Variants in PLXDC2 observed in about 807,000 individuals in gnomAD.
PLXDC2 encodes plexin domain-containing protein 2.
In PLXDC2, 40 loss-of-function variants were observed where a neutral mutation model predicts 68.9. That is an observed-to-expected ratio of 0.58 (90% CI 0.45 to 0.76). PLXDC2 has a LOEUF of 0.76. PLXDC2 is among the 30% of genes least tolerant of loss of function. The pLI, the probability that PLXDC2 is intolerant of heterozygous loss-of-function variation, is 0.00. For synonymous variants in PLXDC2, 243 were observed against 234.2 expected (o/e 1.04, Z -0.34); for missense variants, 644 against 661.9 (o/e 0.97, Z 0.30).
At chr10:20,036,845 C>T (rs57866085) in intron 2 of PLXDC2, among the ~76,000 whole-genome samples, 3,095 of 152,246 alleles carry the variant, frequency 0.02, 78 homozygotes, top group African/African-American at 0.061. Context: ...TTGTGAATTT[C>T]GCCTCCAACT....
rs754807029 is a variant in PLXDC2, at chr10:20,052,239, A to G, written c.471+5224A>G. On this transcript the variant is annotated intron_variant, in intron 3 of 13. Coordinates refer to ENST00000377252, the MANE Select transcript of PLXDC2 (RefSeq NM_032812.9). ...AATTCCCTACATTCTTCTTTCATAA[A>G]TGCAATTACTAAATATTAGCCTGAG... is the stretch of plus-strand genomic sequence containing the variant. Among the ~76,000 whole-genome samples, 25 of 152,234 alleles carry G rather than the reference A, an allele frequency of 1.6e-4. No homozygotes were observed. In the East Asian group the frequency reaches 1.7e-3, roughly 11 times the overall value.
intron 6 of PLXDC2, among the ~76,000 whole-genome samples, chr10:20,161,954 C>T (rs1217596979): frequency 6.6e-6 from 1 of 151,352 alleles, no homozygotes; most frequent in African/African-American, 2.4e-5. Flanking sequence ...TTGCTTGAAC[C>T]CGGGAGGTGG....
intron 1 of PLXDC2, among the ~76,000 whole-genome samples, chr10:19,919,484 T>C (rs1833423305): frequency 6.6e-6 from 1 of 152,238 alleles, no homozygotes; most frequent in South Asian, 2.1e-4. Context: ...TAACAGTGAC[T>C]ATAATTAATA....
chr10:20,055,375 C>G lies in PLXDC2; in HGVS notation c.471+8360C>G, dbSNP rs538962108. 8.5e-5 allele frequency among the ~76,000 whole-genome samples: 13 copies of G among 152,144 alleles called. No homozygotes were observed. In the East Asian group the frequency reaches 2.1e-3, roughly 25 times the overall value. ...AAGTAAATTTAGCTGTTTATGGCGA[C>G]TTTAGTAAGTTGGTTTTTCATATTG... On this transcript the variant is annotated intron_variant, in intron 3 of 13. Transcript: ENST00000377252.
intron 1 of PLXDC2, among the ~76,000 whole-genome samples, chr10:19,904,203 G>T (rs1838204834): frequency 6.6e-6 from 1 of 152,124 alleles, no homozygotes; most frequent in African/African-American, 2.4e-5. Flanking sequence ...AAGTCCATTT[G>T]TTGTAGTGTA....
rs1291793653 is a variant in PLXDC2 at position 19,869,470 on chromosome 10, G to C, written c.112+52279G>C. Among the ~76,000 whole-genome samples, 137 of 50,498 alleles carry C rather than the reference G, an allele frequency of 2.7e-3. 2 individuals carry two copies. Among genetic ancestry groups the C allele is most frequent in the Non-Finnish European group, 5.2e-3 (108 of 20,620 alleles). 33.1% of individuals were successfully genotyped at this position (50,498 alleles called of 152,430 possible). On this transcript the variant is annotated intron_variant, in intron 1 of 13. Coordinates refer to ENST00000377252, the MANE Select transcript of PLXDC2 (RefSeq NM_032812.9). ...AAGAGAGAAAGAGAGAGAGAGAAAG[G>C]GGGGGGGGGGAGAGGGTGGGAGGGA...
chr10:19,919,103 A>C (rs1436698771), intron 1 of PLXDC2, among the ~76,000 whole-genome samples: 1 of 152,204 alleles, frequency 6.6e-6, no homozygotes, highest in African/African-American at 2.4e-5. Context: ...CCTGTATTGC[A>C]CTGTGGCTAT....
At chr10:20,046,839 C>T (rs753578154) in intron 2 of PLXDC2, 30 bp from the exon 3 acceptor site, 9 of 1,559,362 alleles carry the variant, frequency 5.8e-6, no homozygotes. Flanking sequence ...CATCTCGGTT[C>T]TTGATATACA....
chr10:20,261,974 G>A (rs759700355), intron 13 of PLXDC2, among the ~76,000 whole-genome samples: 3 of 152,226 alleles, frequency 2.0e-5, no homozygotes, highest in Non-Finnish European at 2.9e-5. Flanking sequence ...GAAGCAGCCA[G>A]TGTGCATGGC....
intron 1 of PLXDC2, among the ~76,000 whole-genome samples, chr10:19,883,246 GCCAC>G (rs1389186747): frequency 6.6e-6 from 1 of 151,932 alleles, no homozygotes; most frequent in African/African-American, 2.4e-5. Flanking sequence ...ACAGGCGTGA[GCCAC>G]CCCGCCTGGC....
At chr10:20,003,873 G>C (rs563749308) in intron 2 of PLXDC2, among the ~76,000 whole-genome samples, 1 of 152,332 alleles carries the variant, frequency 6.6e-6, no homozygotes, top group East Asian at 1.9e-4. Context: ...CTACTGCCAA[G>C]GCTGTGGTGT....
intron 2 of PLXDC2, among the ~76,000 whole-genome samples, chr10:20,042,728 C>A (rs1182022988): frequency 2.6e-5 from 4 of 152,180 alleles, no homozygotes; most frequent in African/African-American, 9.7e-5. Context: ...GAAAAGAAGG[C>A]AGCATTTGGG....
At chr10:20,207,524 A>G (rs932910318) in intron 9 of PLXDC2, among the ~76,000 whole-genome samples, 2 of 152,174 alleles carry the variant, frequency 1.3e-5, no homozygotes, top group African/African-American at 2.4e-5. Context: ...CCATTGAATT[A>G]CTTATGGTTA....
At chr10:20,183,331 A>C (rs1834633080) in intron 9 of PLXDC2, among the ~76,000 whole-genome samples, 1 of 151,986 alleles carries the variant, frequency 6.6e-6, no homozygotes, top group Non-Finnish European at 1.5e-5. Context: ...AAGAGGTTTC[A>C]GAAACTGACC....
intron 1 of PLXDC2, among the ~76,000 whole-genome samples, chr10:19,898,438 T>C (rs1838100954): frequency 6.6e-6 from 1 of 152,206 alleles, no homozygotes; most frequent in Non-Finnish European, 1.5e-5. Context: ...AAACAGGTCT[T>C]ATTGTACACA....
intron 2 of PLXDC2, among the ~76,000 whole-genome samples, chr10:20,004,331 C>T (rs1030411884): frequency 2.6e-5 from 4 of 152,180 alleles, no homozygotes; most frequent in Non-Finnish European, 5.9e-5. Context: ...GTGTCAGGAG[C>T]AGAAGTCTTA....
chr10:20,070,751 A>T (rs1270213252), intron 4 of PLXDC2: 2 of 152,220 alleles, frequency 1.3e-5, no homozygotes, highest in African/African-American at 4.8e-5. Flanking sequence ...TTAACTATGA[A>T]CCATATGTGC....
chr10:19,843,601 A>T (rs962765846), intron 1 of PLXDC2, among the ~76,000 whole-genome samples: 1 of 152,232 alleles, frequency 6.6e-6, no homozygotes, highest in Non-Finnish European at 1.5e-5. Context: ...GAAAGAATGA[A>T]ATCCTGTCAT....
intron 12 of PLXDC2, among the ~76,000 whole-genome samples, chr10:20,223,560 GC>G (rs1382724659): frequency 1.3e-5 from 2 of 151,950 alleles, no homozygotes; most frequent in African/African-American, 2.4e-5. Context: ...TGATCCACCT[GC>G]CTTGGCCTCC....
Sources: gnomAD v4.1 joint callset for allele counts (sites outside exome capture counted in the v4.1 genomes callset) on GRCh38, gnomAD v4.1.1 for gene constraint, MANE v1.5 for transcripts, NCBI Gene and HGNC (gene_info 2026-07-23, HGNC 2026-07-21) for gene names.